The following PDE4B variants were observed in gnomAD, a reference collection of about 807,000 sequenced individuals.
The protein encoded by PDE4B is 3',5'-cyclic-AMP phosphodiesterase 4B.
Under a neutral mutation model 82.2 loss-of-function variants are expected in PDE4B, and 20 were observed. The observed-to-expected ratio is 0.24, with a 90% CI of 0.17 to 0.35. The LOEUF is 0.35. Among genes scored for constraint, PDE4B ranks in the 10% least tolerant of loss-of-function variants. PDE4B has a pLI of 1.00. For synonymous variants in PDE4B, 320 were observed against 318.9 expected (o/e 1.00, Z -0.04); for missense variants, 655 against 907.2 (o/e 0.72, Z 3.57).
At chr1:66,236,190 T>A (rs1652431894) in intron 3 of PDE4B, among the ~76,000 whole-genome samples, 1 of 152,186 alleles carries the variant, frequency 6.6e-6, no homozygotes. Flanking sequence ...ATTTTTAAAA[T>A]TTTAATAGTT....
In PDE4B at chr1:66,368,022, G is replaced by A. The variant is rs758528302; in HGVS notation, c.1619G>A (p.Ser540Asn). 8.1e-6 allele frequency: 13 copies of A among 1,613,870 alleles called. No individual in the cohort carries two copies. In the South Asian group the frequency reaches 1.4e-4, roughly 18 times the overall value. ...KTMVETKKVT[S>N]SGVLLLDNYT... ...ATGGTAGAAACGAAGAAAGTTACAA[G>A]TTCAGGCGTTCTTCTCCTAGACAAC... The change falls in exon 15 of 17, where the codon AGT (serine) becomes AAT (asparagine). Residue 540 changes from serine to asparagine, a missense_variant. Ser to Asn is a conservative substitution (Grantham distance 46). Coordinates refer to ENST00000341517, the MANE Select transcript of PDE4B (RefSeq NM_002600.4).
chr1:66,009,715 A>C (rs559393175), intron 3 of PDE4B, among the ~76,000 whole-genome samples: 1 of 152,166 alleles, frequency 6.6e-6, no homozygotes, highest in African/African-American at 2.4e-5. Flanking sequence ...TTCTTATTTC[A>C]GGTGGTGTCT....
intron 3 of PDE4B, among the ~76,000 whole-genome samples, chr1:65,922,083 T>C (rs1647269515): frequency 1.3e-5 from 2 of 152,300 alleles, no homozygotes; most frequent in Non-Finnish European, 2.9e-5. Flanking sequence ...AGAATAGTGA[T>C]TTTATTTGTC....
At chr1:65,937,576 C>T (rs532592599) in intron 3 of PDE4B, among the ~76,000 whole-genome samples, 1 of 152,282 alleles carries the variant, frequency 6.6e-6, no homozygotes, top group East Asian at 1.9e-4. Flanking sequence ...CTGTTCAGCT[C>T]TCATCAGGCT....
chr1:65,859,091 G>A (rs1443522144), intron 1 of PDE4B, among the ~76,000 whole-genome samples: 2 of 152,076 alleles, frequency 1.3e-5, no homozygotes, highest in Non-Finnish European at 2.9e-5. Flanking sequence ...TAGCACAAAT[G>A]CTAGAAGTGC....
intron 7 of PDE4B, among the ~76,000 whole-genome samples, chr1:66,300,705 T>G (rs1252912108): frequency 6.6e-6 from 1 of 152,152 alleles, no homozygotes; most frequent in Non-Finnish European, 1.5e-5. Flanking sequence ...GAACTCAAGA[T>G]CTTTACCCTG....
intron 7 of PDE4B, chr1:66,267,304 TA>T (rs1175027041): frequency 7.2e-5 from 11 of 152,198 alleles, no homozygotes; most frequent in African/African-American, 2.7e-4. Context: ...AGAACTTTTA[TA>T]AAAAGAAACA....
At chr1:66,155,446 G>A (rs890848452) in intron 3 of PDE4B, among the ~76,000 whole-genome samples, 3 of 151,774 alleles carry the variant, frequency 2.0e-5, no homozygotes, top group African/African-American at 7.3e-5. Context: ...GATACCCCAT[G>A]GTTCATACTT....
chr1:66,081,841 T>TGA (rs1656756541), intron 3 of PDE4B, among the ~76,000 whole-genome samples: 2 of 150,876 alleles, frequency 1.3e-5, no homozygotes, highest in Non-Finnish European at 2.9e-5. Context: ...TCTGTGTGTG[T>TGA]GTGTGTGTGT....
intron 1 of PDE4B, among the ~76,000 whole-genome samples, chr1:65,822,772 G>C (rs1464007275): frequency 6.6e-6 from 1 of 152,140 alleles, no homozygotes; most frequent in Non-Finnish European, 1.5e-5. Context: ...TGGAAACAGA[G>C]AGATCCAACC....
At chr1:66,093,011 A>T (rs1645053569) in intron 3 of PDE4B, among the ~76,000 whole-genome samples, 1 of 152,102 alleles carries the variant, frequency 6.6e-6, no homozygotes, top group African/African-American at 2.4e-5. Context: ...GTAGTATTAA[A>T]TGTATTTAAA....
intron 3 of PDE4B, among the ~76,000 whole-genome samples, chr1:66,178,165 C>G (rs115213042): frequency 0.01 from 1,530 of 151,756 alleles, 26 homozygotes; most frequent in African/African-American, 0.035. Flanking sequence ...CTTCTCCCCC[C>G]CAAAAAAAGA....
At chr1:65,986,519 G>C (rs1569891260) in intron 3 of PDE4B, among the ~76,000 whole-genome samples, 1 of 152,186 alleles carries the variant, frequency 6.6e-6, no homozygotes. Context: ...AAATGCTACT[G>C]CTTAATGCCA....
chr1:65,876,972 A>T (rs1227481049), intron 1 of PDE4B, among the ~76,000 whole-genome samples: 1 of 152,182 alleles, frequency 6.6e-6, no homozygotes, highest in Non-Finnish European at 1.5e-5. Context: ...AAATGGCCAT[A>T]CTGCCCAAAG....
intron 8 of PDE4B, among the ~76,000 whole-genome samples, chr1:66,352,031 C>T (rs567898617): frequency 5.9e-5 from 9 of 152,102 alleles, no homozygotes; most frequent in Non-Finnish European, 8.8e-5. Flanking sequence ...TTGTACAGAG[C>T]CCAACATAAA....
chr1:65,838,753 G>A (rs573040847), intron 1 of PDE4B, among the ~76,000 whole-genome samples: 1 of 151,514 alleles, frequency 6.6e-6, no homozygotes, highest in Non-Finnish European at 1.5e-5. Context: ...TACTCTAATA[G>A]CATTCCTTTA....
intron 4 of PDE4B, among the ~76,000 whole-genome samples, chr1:66,252,929 ACT>A (rs1237785135): frequency 6.6e-6 from 1 of 152,214 alleles, no homozygotes; most frequent in South Asian, 2.1e-4. Flanking sequence ...ATAGAGTGAG[ACT>A]CTGTCTCCAA....
intron 3 of PDE4B, among the ~76,000 whole-genome samples, chr1:66,126,791 A>G (rs1225852369): frequency 6.6e-6 from 1 of 152,186 alleles, no homozygotes; most frequent in African/African-American, 2.4e-5. Context: ...TTTAATTACA[A>G]AAGCAAAAAT....
At chr1:66,329,989 C>T (rs1659995724) in intron 7 of PDE4B, among the ~76,000 whole-genome samples, 1 of 152,162 alleles carries the variant, frequency 6.6e-6, no homozygotes, top group South Asian at 2.1e-4. Context: ...GGAGGCCAGT[C>T]CTGCGCTGCT....
Sources: gnomAD v4.1 joint callset for allele counts (sites outside exome capture counted in the v4.1 genomes callset) on GRCh38, gnomAD v4.1.1 for gene constraint, MANE v1.5 for transcripts, NCBI Gene and HGNC (gene_info 2026-07-23, HGNC 2026-07-21) for gene names.